Variants in RANBP2 observed in about 807,000 individuals in gnomAD.
The protein encoded by RANBP2 is E3 SUMO-protein ligase RanBP2.
A neutral mutation model predicts 303.6 loss-of-function variants in RANBP2; 57 were observed. The ratio of observed to expected loss-of-function variants is 0.19; its 90% CI spans 0.15 to 0.23. The LOEUF is 0.23. Among genes scored for constraint, RANBP2 ranks in the 10% least tolerant of loss-of-function variants. RANBP2 has a pLI of 1.00. For missense variants in RANBP2, 3,138 were observed against 3,780.8 expected (o/e 0.83, Z 4.46); for synonymous variants, 1,167 against 1,301.5 (o/e 0.90, Z 2.23).
the RANBP2 span, among the ~76,000 whole-genome samples, chr2:109,686,231 C>T: frequency 1.3e-5 from 2 of 152,160 alleles, no homozygotes; most frequent in Admixed American, 6.5e-5. Flanking sequence ...AGCCCGTGGC[C>T]ACTGGAAGTT....
At chr2:109,294,578 TA>T in the RANBP2 span, among the ~76,000 whole-genome samples, 4 of 124,908 alleles carry the variant, frequency 3.2e-5, no homozygotes, top group Admixed American at 8.3e-5. Flanking sequence ...AAAAATTAAT[TA>T]AAAAAAAGGT....
In RANBP2 at chr2:108,783,623, A is replaced by G. The variant is rs1484127192; in HGVS notation, c.9397A>G (p.Thr3133Ala). 2 of 1,612,176 alleles carry G rather than the reference A, an allele frequency of 1.2e-6. No homozygotes were observed. The highest frequency in any genetic ancestry group is 1.7e-6 in the Non-Finnish European group (2 of 1,178,732). The change falls in exon 29 of 29, where the codon ACA becomes GCA. Residue 3133 changes from threonine to alanine, a missense_variant. Thr to Ala is a moderately conservative substitution (Grantham distance 58). Coordinates refer to ENST00000283195, the MANE Select transcript of RANBP2 (RefSeq NM_006267.5). Reference sequence around the variant, plus strand: ...AGGAGATATCACCAAACATGATGGAACAGGCGGACAGTCCATTTATGGAGA... The same window carrying G: ...AGGAGATATCACCAAACATGATGGAGCAGGCGGACAGTCCATTTATGGAGA... ...QGGDITKHDG[T>A]GGQSIYGDKF...
rs367874962 is a variant in RANBP2 at position 108,765,315 on chromosome 2, C to G, written c.4776C>G (p.Ser1592Arg). Residue 1592 changes from serine to arginine, a missense_variant, in exon 20 of 29, where the codon AGC (serine) becomes AGG (arginine). Ser to Arg is a moderately radical substitution (Grantham distance 110). Around this residue, in one of 20 missense-constraint regions of RANBP2, gnomAD observed 28 missense variants for 43.2 expected, o/e 0.65. Coordinates refer to ENST00000283195, the MANE Select transcript of RANBP2 (RefSeq NM_006267.5). Reference sequence around the variant, plus strand: ...TTAAGTTTGGTACTTCAGAGACAAGCAAGGCTCCAAAGAGCGGATTTGAGG... The same window carrying G: ...TTAAGTTTGGTACTTCAGAGACAAGGAAGGCTCCAAAGAGCGGATTTGAGG... Reference protein sequence around the residue: ...ASFKFGTSETSKAPKSGFEGM... With the variant: ...ASFKFGTSETRKAPKSGFEGM... 2.5e-6 allele frequency: 4 copies of G among 1,613,684 alleles called. No homozygotes were observed. The African/African-American group carries it at 4.0e-5, about 16-fold the overall frequency.
chr2:109,711,442 CA>C, the RANBP2 span, among the ~76,000 whole-genome samples: 1 of 152,164 alleles, frequency 6.6e-6, no homozygotes, highest in Admixed American at 6.5e-5. Flanking sequence ...GCACAGCAGC[CA>C]GAAGAGTCTT....
At chr2:109,107,929 G>A in the RANBP2 span, among the ~76,000 whole-genome samples, 1 of 150,662 alleles carries the variant, frequency 6.6e-6, no homozygotes, top group Non-Finnish European at 1.5e-5. Context: ...TTTTTGAGAT[G>A]GAGTCTTGCT....
the RANBP2 span, among the ~76,000 whole-genome samples, chr2:109,716,024 C>T: frequency 8.5e-5 from 13 of 152,058 alleles, no homozygotes; most frequent in South Asian, 2.3e-3. Flanking sequence ...AAGTTAAGGA[C>T]GCGCCCAGGA....
chr2:109,761,662 C>G, the RANBP2 span, among the ~76,000 whole-genome samples: 2 of 148,658 alleles, frequency 1.3e-5, no homozygotes, highest in Non-Finnish European at 3.0e-5. Context: ...CAACCCGCCA[C>G]TATCTCTTAA....
the RANBP2 span, chr2:109,490,772 G>A: frequency 6.5e-7 from 1 of 1,536,708 alleles, no homozygotes; most frequent in South Asian, 1.2e-5. Flanking sequence ...TCCACGGCAG[G>A]GCAGGGTCCT....
At chr2:108,844,346 C>G in the RANBP2 span, among the ~76,000 whole-genome samples, 1 of 152,140 alleles carries the variant, frequency 6.6e-6, no homozygotes, top group Non-Finnish European at 1.5e-5. Flanking sequence ...CCATCCTCTC[C>G]ATTCTGTTAT....
At chr2:109,634,394 A>G in the RANBP2 span, among the ~76,000 whole-genome samples, 1 of 152,186 alleles carries the variant, frequency 6.6e-6, no homozygotes, top group Non-Finnish European at 1.5e-5. Flanking sequence ...AAAAAGGGTG[A>G]TTAGGCTGAA....
chr2:108,828,436 C>T, the RANBP2 span, among the ~76,000 whole-genome samples: 1 of 152,190 alleles, frequency 6.6e-6, no homozygotes, highest in Non-Finnish European at 1.5e-5. Flanking sequence ...AGAGAGCTCT[C>T]ATACTTTCTG....
At chr2:108,836,157 A>G in the RANBP2 span, among the ~76,000 whole-genome samples, 1 of 151,816 alleles carries the variant, frequency 6.6e-6, no homozygotes, top group Admixed American at 6.6e-5. Context: ...TTAAATAACA[A>G]CTCCCCATTT....
intron 18 of RANBP2, among the ~76,000 whole-genome samples, chr2:108,760,815 G>A (rs954006514): frequency 4.0e-5 from 6 of 151,898 alleles, no homozygotes; most frequent in Non-Finnish European, 5.9e-5. Context: ...TTTAAAGCCC[G>A]CGAACACATT....
chr2:109,032,585 A>ATGGGG, the RANBP2 span, among the ~76,000 whole-genome samples: 8 of 151,170 alleles, frequency 5.3e-5, no homozygotes, highest in Admixed American at 1.3e-4. Flanking sequence ...TCCCCTCCCC[A>ATGGGG]TGGGGTGGGG....
the RANBP2 span, among the ~76,000 whole-genome samples, chr2:109,010,081 TA>T: frequency 2.1e-4 from 32 of 152,274 alleles, no homozygotes; most frequent in African/African-American, 4.6e-4. Flanking sequence ...ATACTTCCGT[TA>T]AAAAAAATTT....
the RANBP2 span, among the ~76,000 whole-genome samples, chr2:109,149,468 A>G: frequency 2.0e-5 from 3 of 152,226 alleles, no homozygotes; most frequent in Non-Finnish European, 1.5e-5. Context: ...ACAGCATTTC[A>G]TGGACCTCAG....
chr2:108,854,780 G>A, the RANBP2 span, among the ~76,000 whole-genome samples: 1 of 152,074 alleles, frequency 6.6e-6, no homozygotes, highest in Non-Finnish European at 1.5e-5. Context: ...GTATATAGCT[G>A]AGCCTCAGGC....
the RANBP2 span, among the ~76,000 whole-genome samples, chr2:109,010,385 C>T: frequency 6.9e-6 from 1 of 145,776 alleles, no homozygotes; most frequent in African/African-American, 2.5e-5. Flanking sequence ...GTTCAGCTGT[C>T]TAGTAACTTT....
the RANBP2 span, among the ~76,000 whole-genome samples, chr2:109,364,673 C>T: frequency 2.0e-5 from 3 of 152,190 alleles, no homozygotes; most frequent in Admixed American, 2.0e-4. Context: ...AAGCTTGTGC[C>T]CCTGGCCTGT....
Sources: gnomAD v4.1 joint callset for allele counts (sites outside exome capture counted in the v4.1 genomes callset) on GRCh38, gnomAD v4.1.1 for gene constraint, gnomAD v4.1.1 regional missense constraint, MANE v1.5 for transcripts, NCBI Gene and HGNC (gene_info 2026-07-23, HGNC 2026-07-21) for gene names.